The following BMERB1 variants were observed in gnomAD, a reference collection of about 807,000 sequenced individuals.
BMERB1 encodes the protein bMERB domain-containing protein 1.
BMERB1 carries 12 observed loss-of-function variants against 23.6 expected under a neutral mutation model. The observed-to-expected ratio is 0.51, with a 90% CI of 0.33 to 0.82. The LOEUF (loss-of-function observed/expected upper bound fraction) is 0.82. Ranked by LOEUF, BMERB1 falls within the 40% of genes least tolerant of loss-of-function variation. The probability of loss-of-function intolerance (pLI) is 0.03; values close to 1 mark genes in which losing one functional copy is unlikely to be tolerated. For missense variants in BMERB1, 247 were observed against 255.4 expected, an observed-to-expected ratio of 0.97 and a Z score of 0.22; for synonymous variants, 122 against 96.6, an observed-to-expected ratio of 1.26 and a Z score of -1.54.
chr16:15,448,680 T>C (rs2051012409), intron 1 of BMERB1, among the ~76,000 whole-genome samples: 1 of 152,144 alleles, frequency 6.6e-6, no homozygotes, highest in Non-Finnish European at 1.5e-5. Flanking sequence ...TAATTCCAGC[T>C]ACTCAGGAGG....
intron 2 of BMERB1, among the ~76,000 whole-genome samples, chr16:15,563,728 C>T (rs1315735386): frequency 2.0e-5 from 3 of 152,214 alleles, no homozygotes; most frequent in African/African-American, 4.8e-5. Flanking sequence ...CACACTTAAA[C>T]AACCAGATCT....
intron 2 of BMERB1, among the ~76,000 whole-genome samples, chr16:15,516,378 C>T (rs2051755647): frequency 6.6e-6 from 1 of 152,040 alleles, no homozygotes; most frequent in Non-Finnish European, 1.5e-5. Flanking sequence ...TATGATCATA[C>T]CATTGCACTC....
chr16:15,482,768 AT>A (rs762543814), intron 1 of BMERB1, among the ~76,000 whole-genome samples: 3 of 152,228 alleles, frequency 2.0e-5, no homozygotes, highest in Non-Finnish European at 4.4e-5. Context: ...GTTCTTAGTT[AT>A]AAAATTAATA....
chr16:15,451,730 C>T (rs1305731148), intron 1 of BMERB1, among the ~76,000 whole-genome samples: 1 of 128,666 alleles, frequency 7.8e-6, no homozygotes, highest in Non-Finnish European at 1.6e-5. Flanking sequence ...AGCTAGCTAA[C>T]TAATTTTTTT....
intron 2 of BMERB1, among the ~76,000 whole-genome samples, chr16:15,530,933 G>A (rs2051961352): frequency 7.5e-6 from 1 of 132,972 alleles, no homozygotes; most frequent in South Asian, 2.4e-4. Context: ...TTGAGACGGA[G>A]TCTCGCACTG....
At chr16:15,496,205 G>A (rs1364625826) in intron 1 of BMERB1, among the ~76,000 whole-genome samples, 3 of 152,074 alleles carry the variant, frequency 2.0e-5, no homozygotes, top group Non-Finnish European at 4.4e-5. Flanking sequence ...TAGTGATAGT[G>A]GTGATGGTGA....
chr16:15,470,072 GA>G (rs1216921144), intron 1 of BMERB1, among the ~76,000 whole-genome samples: 1 of 152,062 alleles, frequency 6.6e-6, no homozygotes, highest in Non-Finnish European at 1.5e-5. Flanking sequence ...ATTTTAGGGA[GA>G]AAAAAATCAG....
intron 1 of BMERB1, among the ~76,000 whole-genome samples, chr16:15,490,119 C>T (rs1444398928): frequency 6.6e-6 from 1 of 152,144 alleles, no homozygotes; most frequent in Admixed American, 6.5e-5. Context: ...CCACCTCGGC[C>T]TCCCCAAGTG....
chr16:15,536,241 C>T (rs1179531871), intron 2 of BMERB1, among the ~76,000 whole-genome samples: 2 of 152,126 alleles, frequency 1.3e-5, no homozygotes, highest in Admixed American at 6.6e-5. Context: ...AGCTTGTCCT[C>T]ACCCTCCCCT....
At chr16:15,538,650 C>T (rs2052050471) in intron 2 of BMERB1, among the ~76,000 whole-genome samples, 1 of 152,148 alleles carries the variant, frequency 6.6e-6, no homozygotes, top group Non-Finnish European at 1.5e-5. Context: ...AAGCATAGTC[C>T]AGAATCGCTC....
chr16:15,547,137 G>A (rs771210695), intron 2 of BMERB1, among the ~76,000 whole-genome samples: 2 of 146,180 alleles, frequency 1.4e-5, no homozygotes, highest in African/African-American at 2.5e-5. Flanking sequence ...CTCAGCTTCC[G>A]AGTAGCTGGG....
chr16:15,524,764 C>G (rs963345466), intron 2 of BMERB1, among the ~76,000 whole-genome samples: 2 of 152,122 alleles, frequency 1.3e-5, no homozygotes, highest in African/African-American at 4.8e-5. Context: ...GAATGAGACT[C>G]TGTGTCAAAG....
intron 1 of BMERB1, among the ~76,000 whole-genome samples, chr16:15,497,315 A>G (rs1162788178): frequency 6.6e-6 from 1 of 152,186 alleles, no homozygotes; most frequent in Non-Finnish European, 1.5e-5. Context: ...TGGGACGGGC[A>G]AGGAAGCAAT....
At chr16:15,551,778 A>C (rs929478047) in intron 2 of BMERB1, among the ~76,000 whole-genome samples, 1 of 152,214 alleles carries the variant, frequency 6.6e-6, no homozygotes, top group Non-Finnish European at 1.5e-5. Context: ...ACTTGCAGTC[A>C]TGGCAGACGG....
At chr16:15,540,841 G>A (rs779791313) in intron 2 of BMERB1, among the ~76,000 whole-genome samples, 11 of 152,158 alleles carry the variant, frequency 7.2e-5, no homozygotes, top group African/African-American at 2.7e-4. Context: ...GTTTTCTGAC[G>A]CCACTTCTGA....
chr16:15,484,433 G>A (rs1457096635), intron 1 of BMERB1, among the ~76,000 whole-genome samples: 4 of 150,624 alleles, frequency 2.7e-5, no homozygotes, highest in South Asian at 2.1e-4. Flanking sequence ...AAAGAGTCTC[G>A]CTCTGCTGCC....
At chr16:15,523,136 G>A (rs1012768920) in intron 2 of BMERB1, among the ~76,000 whole-genome samples, 7 of 151,928 alleles carry the variant, frequency 4.6e-5, no homozygotes, top group African/African-American at 1.2e-4. Flanking sequence ...GCACTCCTCC[G>A]ACTGCCCAGG....
In BMERB1 at chr16:15,515,507, T is replaced by C. The variant is rs1273547484; in HGVS notation, c.230+79T>C. ...AACCTAATATTTGTTGATCGTCTAC[T>C]GTGTGCCAGGCACTGAGATAAAGGC... On this transcript the variant is annotated intron_variant, in intron 2 of 5. Coordinates refer to ENST00000300006, the MANE Select transcript of BMERB1 (RefSeq NM_033201.3). 7.9e-6 allele frequency: 12 copies of C among 1,528,510 alleles called. No homozygotes were observed. In the Admixed American group the frequency reaches 2.6e-4, roughly 32 times the overall value. 94.7% of individuals were successfully genotyped at this position (1,528,510 alleles called of 1,614,324 possible). A position where few individuals can be genotyped will look rare whatever the true frequency, so the allele number is the denominator to read the frequency against.
chr16:15,565,052 CAAA>C (rs113797043), intron 2 of BMERB1, among the ~76,000 whole-genome samples: 4 of 124,164 alleles, frequency 3.2e-5, no homozygotes, highest in Non-Finnish European at 5.2e-5. Flanking sequence ...TTCCTTTATG[CAAA>C]AAAAAAAAAA....
Sources: allele counts gnomAD v4.1 joint callset (sites outside exome capture counted in the v4.1 genomes callset), GRCh38; gene constraint gnomAD v4.1.1; transcripts MANE v1.5; gene names NCBI Gene and HGNC (gene_info 2026-07-23, HGNC 2026-07-21).